Variants in BEND6 observed in about 807,000 individuals in gnomAD.
BEND6 encodes BEN domain containing 6, also known as BEN domain-containing protein 6.
In BEND6, 24 loss-of-function variants were observed where a neutral mutation model predicts 31.8. The observed-to-expected ratio is 0.75, with a 90% CI of 0.55 to 1.06. The LOEUF is 1.06. Ranked by LOEUF, BEND6 falls within the 50% of genes least tolerant of loss-of-function variation. The pLI is 0.00. For synonymous variants in BEND6, 109 were observed against 114.6 expected (o/e 0.95, Z 0.31); for missense variants, 294 against 327.4 (o/e 0.90, Z 0.79).
rs1458697634 is a variant in BEND6 at position 56,955,277 on chromosome 6, A to C, written c.-284A>C. 6.6e-6 allele frequency: 1 copy of C among 152,042 alleles called. No individual in the cohort carries two copies. The highest frequency in any genetic ancestry group is 1.5e-5 in the Non-Finnish European group (1 of 68,020). The allele number at this position is 152,042 out of a possible 1,614,324, so 9.4% of individuals were successfully genotyped here. ...GCCGGGTGCCTCTAGCTTCCCGGAC[A>C]CCCGGAGCTTCCGCCTATCCAGCCT... On this transcript the variant is annotated 5_prime_UTR_variant, in exon 1 of 7. Transcript: ENST00000370746.
chr6:56,982,050 AT>A, intron 2 of BEND6, 120 bp downstream of exon 2: 1 of 1,151,552 alleles, frequency 8.7e-7, no homozygotes, highest in Non-Finnish European at 1.2e-6. Flanking sequence ...TCATTTCTTT[AT>A]TCAATGGAGA....
chr6:57,017,838 T>C (rs1213689650), intron 5 of BEND6, among the ~76,000 whole-genome samples: 1 of 152,224 alleles, frequency 6.6e-6, no homozygotes, highest in Admixed American at 6.5e-5. Context: ...TGGCAACATC[T>C]GACAAATGTA....
chr6:56,963,138 T>A (rs28360538), intron 1 of BEND6, among the ~76,000 whole-genome samples: 17,931 of 152,218 alleles, frequency 0.12, 1,365 homozygotes, highest in Middle Eastern at 0.2. Context: ...TTGCATGTTT[T>A]CCATTTGCAC....
chr6:56,994,186 G>A (rs972029700), intron 3 of BEND6, among the ~76,000 whole-genome samples: 13 of 152,010 alleles, frequency 8.6e-5, no homozygotes, highest in Admixed American at 3.3e-4. Flanking sequence ...TTGGCCGGGC[G>A]CAGTGGCTCA....
At chr6:56,986,505 CAT>C (rs1382901795) in intron 2 of BEND6, among the ~76,000 whole-genome samples, 10 of 152,030 alleles carry the variant, frequency 6.6e-5, no homozygotes, top group African/African-American at 2.4e-4. Context: ...TGCTGCAAAT[CAT>C]ATAAAAATGT....
intron 3 of BEND6, among the ~76,000 whole-genome samples, chr6:57,007,604 A>G (rs1827204267): frequency 6.6e-6 from 1 of 152,172 alleles, no homozygotes; most frequent in South Asian, 2.1e-4. Context: ...TGGGCAACAT[A>G]GCAAGACCCT....
chr6:56,995,255 C>A (rs191949046), intron 3 of BEND6, among the ~76,000 whole-genome samples: 25 of 152,028 alleles, frequency 1.6e-4, no homozygotes, highest in African/African-American at 5.8e-4. Flanking sequence ...CACTTTCAGA[C>A]CATTTGCTTC....
chr6:56,973,895 A>G (rs527375573), intron 1 of BEND6, among the ~76,000 whole-genome samples: 3 of 152,270 alleles, frequency 2.0e-5, no homozygotes, highest in African/African-American at 7.2e-5. Context: ...CTGGGACTAC[A>G]GGTGCACCAC....
chr6:56,996,697 G>T (rs1826726953), intron 3 of BEND6, among the ~76,000 whole-genome samples: 1 of 152,092 alleles, frequency 6.6e-6, no homozygotes, highest in Non-Finnish European at 1.5e-5. Flanking sequence ...TTATCTTCAT[G>T]TTATCTTCTA....
At chr6:56,962,291 C>T (rs1300410918) in intron 1 of BEND6, among the ~76,000 whole-genome samples, 1 of 152,218 alleles carries the variant, frequency 6.6e-6, no homozygotes, top group African/African-American at 2.4e-5. Context: ...CAAGACACCA[C>T]TCTTGCCATA....
At chr6:56,974,334 G>A (rs1011799614) in intron 1 of BEND6, among the ~76,000 whole-genome samples, 6 of 152,086 alleles carry the variant, frequency 3.9e-5, no homozygotes, top group Non-Finnish European at 7.4e-5. Context: ...GGATCTTTAG[G>A]TCAGATTTTC....
At chr6:56,976,001 T>C in intron 1 of BEND6, 1 of 501,040 alleles carries the variant, frequency 2.0e-6, no homozygotes. Flanking sequence ...CTTCTTCAGC[T>C]TCAGGTTGGG....
chr6:57,002,547 C>T (rs1417933113), intron 3 of BEND6, among the ~76,000 whole-genome samples: 2 of 152,026 alleles, frequency 1.3e-5, no homozygotes, highest in African/African-American at 4.8e-5. Context: ...AACTAGTAAT[C>T]AATATCAAGA....
intron 3 of BEND6, among the ~76,000 whole-genome samples, chr6:57,003,780 A>G (rs1019645640): frequency 4.6e-5 from 7 of 152,072 alleles, no homozygotes; most frequent in Non-Finnish European, 8.8e-5. Flanking sequence ...AAAAATCCTC[A>G]ACAAAATACT....
chr6:56,955,146 A>G lies in BEND6; in HGVS notation c.-415A>G, dbSNP rs1228794918. 2 of 150,622 alleles carry G rather than the reference A, an allele frequency of 1.3e-5. No homozygotes were observed. Among genetic ancestry groups the G allele is most frequent in the East Asian group, 3.9e-4 (2 of 5,126 alleles). 9.3% of individuals were successfully genotyped at this position (150,622 alleles called of 1,614,324 possible). A position where few individuals can be genotyped will look rare whatever the true frequency, so the allele number is the denominator to read the frequency against. ...GCTGCGGCAGCGCGGGCGCGCGGAC[A>G]TGGCTGCGGCGGTTTCGGCGGCGTC... is the stretch of plus-strand genomic sequence containing the variant. On this transcript the variant is annotated 5_prime_UTR_variant, in exon 1 of 7. The change abolishes an upstream ATG in the 5' untranslated region. Coordinates refer to ENST00000370746, the MANE Select transcript of BEND6 (RefSeq NM_152731.3).
chr6:56,960,942 A>G lies in BEND6; in HGVS notation c.-101+5482A>G, dbSNP rs75351688. 9.1e-3 allele frequency among the ~76,000 whole-genome samples: 1,391 copies of G among 152,330 alleles called. 20 individuals carry two copies. Among genetic ancestry groups the G allele is most frequent in the African/African-American group, 0.03 (1,249 of 41,580 alleles). On this transcript the variant is annotated intron_variant, in intron 1 of 6. Coordinates refer to ENST00000370746, the MANE Select transcript of BEND6 (RefSeq NM_152731.3). ...GGAATATAGTAGAGTTTATATTTCA[A>G]AGAAGAAAGCCATTAACCTAAAGCC... is the stretch of plus-strand genomic sequence containing the variant.
At chr6:56,977,640 A>T (rs1262633495) in intron 1 of BEND6, among the ~76,000 whole-genome samples, 1 of 152,198 alleles carries the variant, frequency 6.6e-6, no homozygotes, top group Non-Finnish European at 1.5e-5. Context: ...CAGCATTCAC[A>T]AACCAAGCAA....
chr6:57,020,844 T>G (rs1468084005), intron 6 of BEND6, among the ~76,000 whole-genome samples: 14 of 150,998 alleles, frequency 9.3e-5, no homozygotes, highest in Admixed American at 5.3e-4. Context: ...TTTTTTTTTT[T>G]TTTTTTTTTT....
In BEND6 at chr6:57,004,727, A is replaced by G; in HGVS notation, c.299-10406A>G. ...CACAAACTGGCCACTGACAAAAATG[A>G]CCCCCATTTGTGTGACTTCACTGAG... is the stretch of plus-strand genomic sequence containing the variant. On this transcript the variant is annotated intron_variant, in intron 3 of 6. Transcript: ENST00000370746. 7.3e-6 allele frequency: 11 copies of G among 1,506,566 alleles called. No individual in the cohort carries two copies. The South Asian group carries it at 9.0e-5, about 12-fold the overall frequency. The allele number at this position is 1,506,566 out of a possible 1,614,324, so 93.3% of individuals were successfully genotyped here.
Sources: allele counts gnomAD v4.1 joint callset (sites outside exome capture counted in the v4.1 genomes callset), GRCh38; gene constraint gnomAD v4.1.1; transcripts MANE v1.5; gene names NCBI Gene and HGNC (gene_info 2026-07-23, HGNC 2026-07-21).